RTN4RL1: variants seen among roughly 807,000 people sequenced by gnomAD.
RTN4RL1 encodes reticulon 4 receptor like 1, also known as reticulon-4 receptor-like 1.
Under a neutral mutation model 25.6 loss-of-function variants are expected in RTN4RL1, and 7 were observed. The observed-to-expected ratio is 0.27, with a 90% CI of 0.16 to 0.51. RTN4RL1 has a LOEUF of 0.51. RTN4RL1 is among the 20% of genes least tolerant of loss of function. The pLI, the probability that RTN4RL1 is intolerant of heterozygous loss-of-function variation, is 0.97. For synonymous variants in RTN4RL1, 297 were observed against 288.2 expected, an observed-to-expected ratio of 1.03 and a Z score of -0.31; for missense variants, 500 against 615.6, an observed-to-expected ratio of 0.81 and a Z score of 1.99.
At chr17:1,963,664 C>T (rs1424782084) in intron 1 of RTN4RL1, among the ~76,000 whole-genome samples, 1 of 152,234 alleles carries the variant, frequency 6.6e-6, no homozygotes, top group Non-Finnish European at 1.5e-5. Flanking sequence ...ACCATGGAGG[C>T]AAACCAGGCT....
intron 1 of RTN4RL1, among the ~76,000 whole-genome samples, 165 bp from the exon 2 acceptor site, chr17:1,937,973 G>C (rs556948466): frequency 6.6e-6 from 1 of 152,250 alleles, no homozygotes; most frequent in Non-Finnish European, 1.5e-5. Flanking sequence ...CCTGGAACCC[G>C]TCGGGGATGA....
At chr17:1,983,363 T>C (rs2066875422) in intron 1 of RTN4RL1, among the ~76,000 whole-genome samples, 6 of 152,060 alleles carry the variant, frequency 3.9e-5, no homozygotes. Flanking sequence ...CACATTCTTC[T>C]GAGGATACTT....
In RTN4RL1 at chr17:2,020,812, T is replaced by A. The variant is rs560158379; in HGVS notation, c.13+4041A>T. ...AAAACTTTAAGGAAAGGTTCTGTAT[T>A]AGCCCAGAGGCTCTGGATTTGCATT... On this transcript the variant is annotated intron_variant, in intron 1 of 1. Coordinates refer to ENST00000331238, the MANE Select transcript of RTN4RL1 (RefSeq NM_178568.4). 16 of 152,252 alleles carry A rather than the reference T, an allele frequency of 1.1e-4. 1 individual carries two copies. The South Asian group carries it at 2.5e-3, about 24-fold the overall frequency. 9.4% of individuals were successfully genotyped at this position (152,252 alleles called of 1,614,324 possible). A position where few individuals can be genotyped will look rare whatever the true frequency, so the allele number is the denominator to read the frequency against.
chr17:1,972,335 T>TAA (rs11400196), intron 1 of RTN4RL1, among the ~76,000 whole-genome samples: 24 of 148,738 alleles, frequency 1.6e-4, no homozygotes, highest in African/African-American at 2.7e-4. Flanking sequence ...AATAAAAATT[T>TAA]AAAAAAAAAA....
chr17:1,950,904 C>T (rs1915660107), intron 1 of RTN4RL1, among the ~76,000 whole-genome samples: 1 of 144,196 alleles, frequency 6.9e-6, no homozygotes, highest in South Asian at 2.3e-4. Context: ...GAGACTCTCT[C>T]TCTCTCTCTG....
chr17:2,003,671 GC>G (rs2066973753), intron 1 of RTN4RL1: 1 of 152,372 alleles, frequency 6.6e-6, no homozygotes, highest in African/African-American at 2.4e-5. Flanking sequence ...CCCAAGTCCC[GC>G]CTGCCTGGCC....
At chr17:1,982,600 C>T (rs932458859) in intron 1 of RTN4RL1, among the ~76,000 whole-genome samples, 33 of 148,286 alleles carry the variant, frequency 2.2e-4, no homozygotes, top group African/African-American at 7.7e-4. Context: ...GGGGTCAGAG[C>T]GAGACTCCGT....
chr17:2,007,337 A>AACACACACACACACAC (rs34669886), intron 1 of RTN4RL1, among the ~76,000 whole-genome samples: 1,793 of 140,340 alleles, frequency 0.013, 23 homozygotes, highest in African/African-American at 0.028. Context: ...TCACAGCCCC[A>AACACACACACACACAC]ACACACACAC....
At chr17:1,957,733 A>G (rs1364757302) in intron 1 of RTN4RL1, among the ~76,000 whole-genome samples, 1 of 151,990 alleles carries the variant, frequency 6.6e-6, no homozygotes, top group African/African-American at 2.4e-5. Flanking sequence ...AATCCCAGCT[A>G]CTCGGGAGGC....
chr17:1,952,771 T>C (rs1379911897), intron 1 of RTN4RL1, among the ~76,000 whole-genome samples: 1 of 151,386 alleles, frequency 6.6e-6, no homozygotes. Flanking sequence ...CTGCCGGGGG[T>C]GAGTCTTTGT....
intron 1 of RTN4RL1, among the ~76,000 whole-genome samples, chr17:1,985,201 G>T (rs935013822): frequency 6.6e-6 from 1 of 152,200 alleles, no homozygotes; most frequent in African/African-American, 2.4e-5. Context: ...TGGGCCTGCT[G>T]GACTCCACAA....
chr17:2,005,921 C>T (rs1009217685), intron 1 of RTN4RL1, among the ~76,000 whole-genome samples: 3 of 151,132 alleles, frequency 2.0e-5, no homozygotes, highest in Admixed American at 6.6e-5. Context: ...CTCAGCCTCC[C>T]GAGTACCTGG....
intron 1 of RTN4RL1, among the ~76,000 whole-genome samples, chr17:2,016,239 G>C (rs992988506): frequency 1.3e-5 from 2 of 152,166 alleles, no homozygotes; most frequent in South Asian, 4.1e-4. Flanking sequence ...AAATTAGCCA[G>C]TTGTGGTGGC....
At chr17:1,982,402 G>A (rs1354849114) in intron 1 of RTN4RL1, among the ~76,000 whole-genome samples, 1 of 152,184 alleles carries the variant, frequency 6.6e-6, no homozygotes, top group African/African-American at 2.4e-5. Flanking sequence ...CACGAGGTCA[G>A]GAGTTCGAGA....
At chr17:1,938,081 C>A (rs530854802) in intron 1 of RTN4RL1, among the ~76,000 whole-genome samples, 2 of 152,252 alleles carry the variant, frequency 1.3e-5, no homozygotes, top group South Asian at 2.1e-4. Flanking sequence ...TTCCACCCCA[C>A]AGCTGCTGAG....
At chr17:2,012,795 TTC>T (rs566659968) in intron 1 of RTN4RL1, among the ~76,000 whole-genome samples, 83 of 124,288 alleles carry the variant, frequency 6.7e-4, no homozygotes, top group Non-Finnish European at 1.2e-3. Context: ...CTTCTTCTTC[TTC>T]TTTTTTTTTT....
chr17:2,002,514 A>C (rs7215572), intron 1 of RTN4RL1, among the ~76,000 whole-genome samples: 12 of 150,806 alleles, frequency 8.0e-5, no homozygotes, highest in South Asian at 2.1e-4. Flanking sequence ...GGATGGTCTC[A>C]ATCTCCTGAC....
At chr17:1,978,187 G>A (rs147410005) in intron 1 of RTN4RL1, among the ~76,000 whole-genome samples, 1 of 152,214 alleles carries the variant, frequency 6.6e-6, no homozygotes, top group East Asian at 1.9e-4. Context: ...ACCCCAGGGT[G>A]CTCCTGCCGC....
At chr17:1,987,247 C>T (rs2151318152) in intron 1 of RTN4RL1, among the ~76,000 whole-genome samples, 1 of 152,230 alleles carries the variant, frequency 6.6e-6, no homozygotes, top group Non-Finnish European at 1.5e-5. Context: ...CCCCACCTTC[C>T]GGAGTGGGCT....
Sources: gnomAD v4.1 joint callset for allele counts (sites outside exome capture counted in the v4.1 genomes callset) on GRCh38, gnomAD v4.1.1 for gene constraint, MANE v1.5 for transcripts, NCBI Gene and HGNC (gene_info 2026-07-23, HGNC 2026-07-21) for gene names.